The following TRAF3 variants were observed in gnomAD, a reference collection of about 807,000 sequenced individuals.
TRAF3 encodes the protein TNF receptor-associated factor 3.
TRAF3 carries 13 observed loss-of-function variants against 62.3 expected under a neutral mutation model. The ratio of observed to expected loss-of-function variants is 0.21; its 90% CI spans 0.14 to 0.33. The LOEUF is 0.33. Ranked by LOEUF, TRAF3 falls within the 10% of genes least tolerant of loss-of-function variation. The pLI is 1.00. For synonymous variants in TRAF3, 269 were observed against 283.4 expected (o/e 0.95, Z 0.51); for missense variants, 440 against 741.8 (o/e 0.59, Z 4.73).
chr14:102,809,883 A>G (rs1205089937), intron 1 of TRAF3, among the ~76,000 whole-genome samples: 1 of 152,142 alleles, frequency 6.6e-6, no homozygotes, highest in Non-Finnish European at 1.5e-5. Context: ...TTAAAGGGAA[A>G]CCTCAGTTTG....
rs1448170328 is a variant in TRAF3 at position 102,906,276 on chromosome 14, C to G, written c.*492C>G. On this transcript the variant is annotated 3_prime_UTR_variant, in exon 12 of 12. Transcript: ENST00000392745. ...TTTTGTTTCAAATACAGTATATTGT[C>G]TATTTTTAAGGCCTCATCTGGTCTC... is the stretch of plus-strand genomic sequence containing the variant. 1 of 156,496 alleles carries G rather than the reference C, an allele frequency of 6.4e-6. No homozygotes were observed. Among genetic ancestry groups the G allele is most frequent in the Non-Finnish European group, 1.4e-5 (1 of 70,306 alleles). The allele number at this position is 156,496 out of a possible 1,614,324, so 9.7% of individuals were successfully genotyped here. A position where few individuals can be genotyped will look rare whatever the true frequency, so the allele number is the denominator to read the frequency against.
intron 2 of TRAF3, among the ~76,000 whole-genome samples, chr14:102,837,707 T>C (rs1243658443): frequency 6.6e-6 from 1 of 152,210 alleles, no homozygotes. Flanking sequence ...ATTGATATTT[T>C]GGAAATTTTG....
chr14:102,857,992 T>G (rs528876437), intron 2 of TRAF3, among the ~76,000 whole-genome samples: 7 of 152,352 alleles, frequency 4.6e-5, no homozygotes, highest in Non-Finnish European at 1.0e-4. Context: ...CTCAAAAGTT[T>G]TCTTGGCTCT....
At chr14:102,809,410 G>A (rs768481195) in intron 1 of TRAF3, among the ~76,000 whole-genome samples, 6 of 151,800 alleles carry the variant, frequency 4.0e-5, no homozygotes, top group Non-Finnish European at 7.4e-5. Context: ...GATTACAGGC[G>A]TGAGCCACCG....
At chr14:102,804,551 G>C (rs1898654175) in intron 1 of TRAF3, among the ~76,000 whole-genome samples, 1 of 152,102 alleles carries the variant, frequency 6.6e-6, no homozygotes. Flanking sequence ...GTAATGGCAT[G>C]ATCTCAGCTC....
chr14:102,866,784 G>T lies in TRAF3; in HGVS notation c.-17-3401G>T, dbSNP rs139228291. 9.7e-3 allele frequency among the ~76,000 whole-genome samples: 1,470 copies of T among 151,636 alleles called. 17 individuals carry two copies. Among genetic ancestry groups the T allele is most frequent in the Middle Eastern group, 0.017 (5 of 294 alleles). ...TGCTTGAGCCCAGGGGGTCGAGGCTGCAGTGAGCCATGATGGCACCACTAT... is the reference window on the plus strand; with the variant it reads ...TGCTTGAGCCCAGGGGGTCGAGGCTTCAGTGAGCCATGATGGCACCACTAT... On this transcript the variant is annotated intron_variant, in intron 2 of 11. Transcript: ENST00000392745.
intron 9 of TRAF3, among the ~76,000 whole-genome samples, chr14:102,895,664 A>G (rs1889968476): frequency 6.6e-6 from 1 of 152,246 alleles, no homozygotes; most frequent in African/African-American, 2.4e-5. Flanking sequence ...TGGGGGATCA[A>G]GATGCCCTTT....
At chr14:102,828,209 C>T (rs1258542741) in intron 1 of TRAF3, among the ~76,000 whole-genome samples, 1 of 152,210 alleles carries the variant, frequency 6.6e-6, no homozygotes, top group African/African-American at 2.4e-5. Flanking sequence ...GGAAAGACTG[C>T]TTCCTGTGCC....
At chr14:102,884,489 T>C (rs1028818619) in intron 6 of TRAF3, among the ~76,000 whole-genome samples, 18 of 152,030 alleles carry the variant, frequency 1.2e-4, no homozygotes, top group Non-Finnish European at 2.6e-4. Context: ...AAATGATTAA[T>C]AGAGAAATAG....
chr14:102,816,022 G>A (rs1419578019), intron 1 of TRAF3, among the ~76,000 whole-genome samples: 2 of 151,924 alleles, frequency 1.3e-5, no homozygotes, highest in Non-Finnish European at 2.9e-5. Flanking sequence ...AATGGTCTTG[G>A]TGCCCTTATC....
chr14:102,800,979 C>CCATCCTTGCTAA (rs759044543), intron 1 of TRAF3, among the ~76,000 whole-genome samples: 1 of 147,166 alleles, frequency 6.8e-6, no homozygotes, highest in Non-Finnish European at 1.5e-5. Context: ...GAGATCGAGA[C>CCATCCTTGCTAA]CACGGTGAAA....
intron 9 of TRAF3, among the ~76,000 whole-genome samples, chr14:102,893,639 G>C (rs765903079): frequency 4.6e-5 from 7 of 152,202 alleles, no homozygotes; most frequent in Admixed American, 2.6e-4. Context: ...CCCACACACA[G>C]TGCAGCAGTT....
intron 9 of TRAF3, chr14:102,895,233 G>A (rs1889942381): frequency 5.3e-6 from 2 of 375,702 alleles, no homozygotes; most frequent in Non-Finnish European, 1.1e-5. Flanking sequence ...GGACGTATGA[G>A]GCAAGGAAGG....
Position 102,905,549 on chromosome 14 carries a change from A to G in TRAF3, c.1472A>G (p.Lys491Arg). The G allele has an allele frequency of 6.2e-7, 1 of 1,614,170 alleles. No individual in the cohort carries two copies. Among genetic ancestry groups the G allele is most frequent in the Non-Finnish European group, 8.5e-7 (1 of 1,180,040 alleles). ...GATGCCCTGCTTCCTTGGCCGTTTA[A>G]GCAGAAAGTGACACTCATGCTGATG... ...EYDALLPWPF[K>R]QKVTLMLMDQ... Residue 491 changes from lysine to arginine, a missense_variant, in exon 12 of 12, where the codon AAG (lysine) becomes AGG (arginine). Physicochemically the swap from Lys to Arg is conservative, Grantham distance 26 (BLOSUM62 2). Around this residue, in one of 6 missense-constraint regions of TRAF3, gnomAD observed 59 missense variants for 120.9 expected, o/e 0.49. Transcript: ENST00000392745.
chr14:102,812,407 C>T (rs1434239030), intron 1 of TRAF3, among the ~76,000 whole-genome samples: 1 of 152,252 alleles, frequency 6.6e-6, no homozygotes, highest in South Asian at 2.1e-4. Context: ...TTGTTGGACA[C>T]CTAGATTGAT....
intron 1 of TRAF3, among the ~76,000 whole-genome samples, chr14:102,797,430 G>T (rs1262407197): frequency 6.6e-6 from 1 of 152,158 alleles, no homozygotes; most frequent in Non-Finnish European, 1.5e-5. Flanking sequence ...ATGGTGGGAA[G>T]CGTAGAGATT....
At chr14:102,884,630 T>C (rs1319514383) in intron 6 of TRAF3, among the ~76,000 whole-genome samples, 1 of 152,042 alleles carries the variant, frequency 6.6e-6, no homozygotes, top group East Asian at 1.9e-4. Flanking sequence ...GCCAACATGG[T>C]GAAACCCCTC....
At chr14:102,866,846 TGAA>T (rs759044234) in intron 2 of TRAF3, among the ~76,000 whole-genome samples, 2 of 106,522 alleles carry the variant, frequency 1.9e-5, no homozygotes, top group African/African-American at 3.9e-5. Flanking sequence ...CTCCATCTCT[TGAA>T]AACACACACA....
At chr14:102,899,483 AC>A (rs1890168503) in intron 10 of TRAF3, among the ~76,000 whole-genome samples, 1 of 151,986 alleles carries the variant, frequency 6.6e-6, no homozygotes, top group South Asian at 2.1e-4. Flanking sequence ...GTGCCTGGCC[AC>A]CGGTCACCTT....
Sources: gnomAD v4.1 joint callset for allele counts (sites outside exome capture counted in the v4.1 genomes callset) on GRCh38, gnomAD v4.1.1 for gene constraint, gnomAD v4.1.1 regional missense constraint, MANE v1.5 for transcripts, NCBI Gene and HGNC (gene_info 2026-07-23, HGNC 2026-07-21) for gene names.